Variants in FBXO36 observed in about 807,000 individuals in gnomAD.
FBXO36 encodes F-box protein 36.
FBXO36 carries 18 observed loss-of-function variants against 17.0 expected under a neutral mutation model. The ratio of observed to expected loss-of-function variants is 1.06; its 90% confidence interval spans 0.73 to 1.57. The LOEUF (loss-of-function observed/expected upper bound fraction) is 1.57. Ranked by LOEUF, FBXO36 falls within the 40% of genes most tolerant of loss-of-function variation. FBXO36 has a pLI of 0.00. For synonymous variants in FBXO36, 83 were observed against 85.3 expected, an observed-to-expected ratio of 0.97 and a Z score of 0.15; for missense variants, 229 against 221.9, an observed-to-expected ratio of 1.03 and a Z score of -0.20.
chr2:229,957,260 G>A (rs1161173304), intron 1 of FBXO36, among the ~76,000 whole-genome samples: 1 of 152,164 alleles, frequency 6.6e-6, no homozygotes, highest in Non-Finnish European at 1.5e-5. Flanking sequence ...TATGCAGAGA[G>A]ACTGAAGGAG....
chr2:229,968,901 G>A (rs2077167094), intron 1 of FBXO36, among the ~76,000 whole-genome samples: 1 of 151,776 alleles, frequency 6.6e-6, no homozygotes, highest in South Asian at 2.1e-4. Context: ...AGCCTCCCGA[G>A]TAGCTGAGAT....
intron 1 of FBXO36, among the ~76,000 whole-genome samples, chr2:229,935,468 G>A (rs144246200): frequency 6.6e-5 from 10 of 152,030 alleles, no homozygotes; most frequent in South Asian, 4.2e-4. Context: ...AGCCAAGATC[G>A]CACCATCACA....
intron 1 of FBXO36, chr2:229,923,309 T>A (rs1024996492): frequency 6.6e-6 from 1 of 152,226 alleles, no homozygotes; most frequent in African/African-American, 2.4e-5. Flanking sequence ...TTTTTATGCC[T>A]ACTTTGGTTA....
chr2:229,931,914 G>GTA (rs1432181578), intron 1 of FBXO36, among the ~76,000 whole-genome samples: 1 of 112,806 alleles, frequency 8.9e-6, no homozygotes, highest in African/African-American at 3.1e-5. Context: ...TTGTATATGT[G>GTA]TATATATTTT....
chr2:229,956,488 G>A lies in FBXO36; in HGVS notation c.97-19753G>A, dbSNP rs2077088253. ...TAGAAGCTTATATGCTCTCATCACA[G>A]GGTAGAGGGAAGGAGGGATGCAGAT... On this transcript the variant is annotated intron_variant, in intron 1 of 3. Coordinates refer to ENST00000283946, the MANE Select transcript of FBXO36 (RefSeq NM_174899.5). Among the ~76,000 whole-genome samples, 3 of 152,316 alleles carry A rather than the reference G, an allele frequency of 2.0e-5. No individual in the cohort carries two copies. In the South Asian group the frequency reaches 6.2e-4, roughly 32 times the overall value.
At chr2:229,934,865 G>A (rs2076956327) in intron 1 of FBXO36, among the ~76,000 whole-genome samples, 1 of 152,118 alleles carries the variant, frequency 6.6e-6, no homozygotes, top group African/African-American at 2.4e-5. Flanking sequence ...ACGTTGGCCA[G>A]GCTGGTCTTG....
chr2:229,928,930 G>A (rs2076925387), intron 1 of FBXO36, among the ~76,000 whole-genome samples: 1 of 150,970 alleles, frequency 6.6e-6, no homozygotes. Context: ...CCATCCTTAA[G>A]GAGGATTTAG....
intron 2 of FBXO36, among the ~76,000 whole-genome samples, chr2:229,989,209 T>A (rs901244728): frequency 8.5e-5 from 13 of 152,170 alleles, no homozygotes; most frequent in Non-Finnish European, 1.6e-4. Flanking sequence ...TTCAGATCAT[T>A]TTGTGGTAAT....
chr2:229,950,076 C>G (rs2077049380), intron 1 of FBXO36, among the ~76,000 whole-genome samples: 1 of 152,196 alleles, frequency 6.6e-6, no homozygotes, highest in East Asian at 1.9e-4. Flanking sequence ...AGCTCTAGGA[C>G]AGGGGACACT....
At chr2:229,979,520 C>T (rs1328298815) in intron 2 of FBXO36, among the ~76,000 whole-genome samples, 1 of 151,472 alleles carries the variant, frequency 6.6e-6, no homozygotes, top group Non-Finnish European at 1.5e-5. Context: ...TGGCTCATAC[C>T]TATAATCCCA....
chr2:229,938,660 G>A (rs1288567624), intron 1 of FBXO36, among the ~76,000 whole-genome samples: 1 of 148,762 alleles, frequency 6.7e-6, no homozygotes, highest in South Asian at 2.1e-4. Context: ...ATCATGCCGG[G>A]CTAATTTTTG....
At chr2:229,930,798 G>A (rs1254339569) in intron 1 of FBXO36, among the ~76,000 whole-genome samples, 1 of 152,138 alleles carries the variant, frequency 6.6e-6, no homozygotes, top group Admixed American at 6.5e-5. Flanking sequence ...CTGCACCTGA[G>A]AACCTCAGCC....
intron 2 of FBXO36, among the ~76,000 whole-genome samples, chr2:229,978,126 A>AT (rs1553808842): frequency 1.3e-5 from 2 of 151,646 alleles, no homozygotes; most frequent in African/African-American, 2.4e-5. Flanking sequence ...CAAAAAAAAA[A>AT]TTTTTTTTTA....
At chr2:229,949,898 C>G (rs777752668) in intron 1 of FBXO36, among the ~76,000 whole-genome samples, 2 of 152,218 alleles carry the variant, frequency 1.3e-5, no homozygotes, top group Non-Finnish European at 2.9e-5. Context: ...GCACTCCAGC[C>G]TGGGTGACAG....
intron 1 of FBXO36, among the ~76,000 whole-genome samples, chr2:229,933,271 C>A (rs1242593046): frequency 1.3e-5 from 2 of 152,006 alleles, no homozygotes; most frequent in African/African-American, 2.4e-5. Context: ...TCCTATAATT[C>A]TAGCTACTCG....
chr2:229,997,439 G>A (rs547118843), intron 3 of FBXO36, among the ~76,000 whole-genome samples: 21 of 151,960 alleles, frequency 1.4e-4, no homozygotes, highest in African/African-American at 4.1e-4. Context: ...TTAGCTGGGC[G>A]TGGTGGCAGG....
chr2:229,941,454 CAAAAA>C (rs900428508), intron 1 of FBXO36, among the ~76,000 whole-genome samples: 1 of 149,904 alleles, frequency 6.7e-6, no homozygotes, highest in East Asian at 2.0e-4. Context: ...GACTCCGTCT[CAAAAA>C]AAACAACAAC....
intron 2 of FBXO36, among the ~76,000 whole-genome samples, chr2:229,994,553 C>A (rs2077315094): frequency 6.6e-6 from 1 of 152,224 alleles, no homozygotes; most frequent in Admixed American, 6.5e-5. Context: ...CCGCCTGCTT[C>A]TGCAGGGAGC....
intron 1 of FBXO36, among the ~76,000 whole-genome samples, chr2:229,951,199 C>T (rs953083911): frequency 6.6e-6 from 1 of 152,078 alleles, no homozygotes; most frequent in Non-Finnish European, 1.5e-5. Flanking sequence ...TCCCAAAGTG[C>T]TAGGATTACA....
Sources: gnomAD v4.1 joint callset for allele counts (sites outside exome capture counted in the v4.1 genomes callset) on GRCh38, gnomAD v4.1.1 for gene constraint, MANE v1.5 for transcripts, NCBI Gene and HGNC (gene_info 2026-07-23, HGNC 2026-07-21) for gene names.